Variants in TMTC1 observed in about 807,000 individuals in gnomAD.
TMTC1 encodes protein O-mannosyl-transferase TMTC1.
TMTC1 carries 73 observed loss-of-function variants against 104.8 expected under a neutral mutation model. The ratio of observed to expected loss-of-function variants is 0.70; its 90% confidence interval spans 0.58 to 0.85. TMTC1 has a LOEUF of 0.85. Among genes scored for constraint, TMTC1 ranks in the 40% least tolerant of loss-of-function variants. TMTC1 has a pLI of 0.00. For synonymous variants in TMTC1, 434 were observed against 428.7 expected, an observed-to-expected ratio of 1.01 and a Z score of -0.15; for missense variants, 1,035 against 1,096.1, an observed-to-expected ratio of 0.94 and a Z score of 0.79.
intron 5 of TMTC1, among the ~76,000 whole-genome samples, chr12:29,654,720 C>CA (rs34793977): frequency 0.05 from 7,021 of 141,118 alleles, 322 homozygotes; most frequent in African/African-American, 0.12. Flanking sequence ...CCATTTTTAT[C>CA]AAAAAAAAAA....
intron 6 of TMTC1, among the ~76,000 whole-genome samples, chr12:29,619,646 A>G (rs531786336): frequency 2.7e-4 from 41 of 152,366 alleles, no homozygotes; most frequent in African/African-American, 9.1e-4. Flanking sequence ...TTTTCACAAA[A>G]TTTTCAAATA....
chr12:29,581,707 T>TTTA (rs1243861094), intron 8 of TMTC1, among the ~76,000 whole-genome samples: 1 of 152,286 alleles, frequency 6.6e-6, no homozygotes, highest in Non-Finnish European at 1.5e-5. Context: ...AGGCAAAAGG[T>TTTA]TTAGCACAGG....
chr12:29,537,544 A>G, intron 10 of TMTC1, among the ~76,000 whole-genome samples: 1 of 152,136 alleles, frequency 6.6e-6, no homozygotes. Flanking sequence ...TTCTGCTCAA[A>G]GTGTGATTCA....
Position 29,512,128 on chromosome 12 carries a change from A to AATAAGAAAT in TMTC1, c.2431-17_2431-9dup. ...CACAGCCACTCTATAGCTCTAAATA[A>AATAAGAAAT]ATAAGAAATATCCTCAGGTTAGGAA... On this transcript the variant is annotated splice_polypyrimidine_tract_variant and intron_variant, in intron 16 of 17. Transcript: ENST00000539277. The AATAAGAAAT allele has an allele frequency of 6.2e-7, 1 of 1,601,078 alleles. No individual in the cohort carries two copies. The highest frequency in any genetic ancestry group is 8.5e-7 in the Non-Finnish European group (1 of 1,174,284).
At chr12:29,699,030 C>T (rs79469911) in intron 5 of TMTC1, among the ~76,000 whole-genome samples, 3,430 of 152,222 alleles carry the variant, frequency 0.023, 79 homozygotes, top group Admixed American at 0.052. Context: ...TGGGAGAGGA[C>T]CAACTGGGTT....
At chr12:29,560,429 G>C (rs545502561) in intron 9 of TMTC1, among the ~76,000 whole-genome samples, 26 of 151,836 alleles carry the variant, frequency 1.7e-4, no homozygotes, top group Non-Finnish European at 2.9e-4. Context: ...CAATCATTCT[G>C]GGGTACAAAT....
chr12:29,519,112 T>C (rs958786875), intron 12 of TMTC1: 1 of 152,272 alleles, frequency 6.6e-6, no homozygotes, highest in Non-Finnish European at 1.5e-5. Context: ...AAAATCTCTT[T>C]TAAAATCATG....
chr12:29,517,487 C>T lies in TMTC1; in HGVS notation c.2109G>A (p.Leu703=). Residue 703 remains leucine, a synonymous_variant, in exon 14 of 18, where the codon TTG becomes TTA. Coordinates refer to ENST00000539277, the MANE Select transcript of TMTC1 (RefSeq NM_001193451.2). ...GTGCTGCAGCTTCCTGGTAAATCTG[C>T]AAAGCCTCTTCGTATCGGCCAGTGT... is the stretch of plus-strand genomic sequence containing the variant. ...YYNTGRYEEA[L]QIYQEAAALQ... is the part of the protein sequence containing the mutation. 6.2e-7 allele frequency: 1 copy of T among 1,614,148 alleles called. No homozygotes were observed. The highest frequency in any genetic ancestry group is 8.5e-7 in the Non-Finnish European group (1 of 1,180,026).
intron 8 of TMTC1, among the ~76,000 whole-genome samples, chr12:29,574,794 A>C (rs1350198303): frequency 6.6e-6 from 1 of 152,204 alleles, no homozygotes; most frequent in African/African-American, 2.4e-5. Flanking sequence ...CCCTATATCC[A>C]GATACAGTGA....
At chr12:29,698,355 T>C (rs891455732) in intron 5 of TMTC1, among the ~76,000 whole-genome samples, 4 of 152,180 alleles carry the variant, frequency 2.6e-5, no homozygotes, top group Non-Finnish European at 4.4e-5. Context: ...GGGTGATCAC[T>C]CCTCTGTGAT....
chr12:29,629,146 C>T (rs187120842), intron 6 of TMTC1, among the ~76,000 whole-genome samples: 45 of 151,706 alleles, frequency 3.0e-4, no homozygotes, highest in African/African-American at 4.1e-4. Flanking sequence ...AGTGAAACCC[C>T]GTCTCTACTA....
At chr12:29,769,953 T>C (rs955004969) in intron 1 of TMTC1, among the ~76,000 whole-genome samples, 1 of 151,894 alleles carries the variant, frequency 6.6e-6, no homozygotes, top group African/African-American at 2.4e-5. Flanking sequence ...TACATACATA[T>C]GTACATATAC....
intron 7 of TMTC1, among the ~76,000 whole-genome samples, chr12:29,592,656 G>C (rs1377933410): frequency 1.3e-5 from 2 of 152,142 alleles, no homozygotes; most frequent in African/African-American, 4.8e-5. Flanking sequence ...CATCAGGAAA[G>C]CCTCGGTTTG....
intron 6 of TMTC1, among the ~76,000 whole-genome samples, chr12:29,628,931 G>T (rs1938147877): frequency 6.6e-6 from 1 of 151,984 alleles, no homozygotes; most frequent in Non-Finnish European, 1.5e-5. Flanking sequence ...CAAAGTGCTG[G>T]GGTTACAGGC....
rs74078088 is a variant in TMTC1, at chr12:29,520,535, C to G, written c.1888+83G>C. The G allele has an allele frequency of 3.1e-3, 3,707 of 1,208,382 alleles. 107 individuals carry two copies. The African/African-American group carries it at 0.051, about 17-fold the overall frequency. 74.9% of individuals were successfully genotyped at this position (1,208,382 alleles called of 1,614,324 possible). Reference sequence around the variant, plus strand: ...CTGCCAAGCCCAGTGAATTTTACTTCTGAGGATTATTTGCCTTCCATTTTG... The same window carrying G: ...CTGCCAAGCCCAGTGAATTTTACTTGTGAGGATTATTTGCCTTCCATTTTG... On this transcript the variant is annotated intron_variant, in intron 12 of 17. Coordinates refer to ENST00000539277, the MANE Select transcript of TMTC1 (RefSeq NM_001193451.2).
At chr12:29,561,368 G>A (rs569278609) in intron 9 of TMTC1, among the ~76,000 whole-genome samples, 2 of 152,104 alleles carry the variant, frequency 1.3e-5, no homozygotes, top group African/African-American at 2.4e-5. Context: ...ATTCAACTAT[G>A]CTCTTATAGG....
chr12:29,513,337 T>TACAC lies in TMTC1; in HGVS notation c.2430+1141_2430+1144dup, dbSNP rs760268550. 3.4e-5 allele frequency among the ~76,000 whole-genome samples: 5 copies of TACAC among 147,742 alleles called. No individual in the cohort carries two copies. The South Asian group carries it at 1.1e-3, about 31-fold the overall frequency. On this transcript the variant is annotated intron_variant, in intron 16 of 17. Coordinates refer to ENST00000539277, the MANE Select transcript of TMTC1 (RefSeq NM_001193451.2). ...ATCAATGGCCATATATATATATATA[T>TACAC]ACACACACACACATACATATTCACA...
intron 5 of TMTC1, among the ~76,000 whole-genome samples, chr12:29,667,579 A>T (rs890052777): frequency 6.6e-6 from 1 of 152,192 alleles, no homozygotes; most frequent in Non-Finnish European, 1.5e-5. Flanking sequence ...GTAGTTTTAT[A>T]ATGAGGGAAA....
At chr12:29,664,569 C>A (rs1246024847) in intron 5 of TMTC1, among the ~76,000 whole-genome samples, 4 of 152,190 alleles carry the variant, frequency 2.6e-5, no homozygotes, top group African/African-American at 9.6e-5. Context: ...AATAACAATA[C>A]TATTAACAGC....
Sources: gnomAD v4.1 joint callset for allele counts (sites outside exome capture counted in the v4.1 genomes callset) on GRCh38, gnomAD v4.1.1 for gene constraint, MANE v1.5 for transcripts, NCBI Gene and HGNC (gene_info 2026-07-23, HGNC 2026-07-21) for gene names.